Variants in MGAT5B observed in about 807,000 individuals in gnomAD.
MGAT5B encodes N-acetylglucosaminyl-transferase Vb.
In MGAT5B, 54 loss-of-function variants were observed where a neutral mutation model predicts 95.1. The ratio of observed to expected loss-of-function variants is 0.57; its 90% CI spans 0.46 to 0.71. The LOEUF (loss-of-function observed/expected upper bound fraction) is 0.71. Among genes scored for constraint, MGAT5B ranks in the 30% least tolerant of loss-of-function variants. The pLI is 0.00. For missense variants in MGAT5B, 935 were observed against 1,088.6 expected (o/e 0.86, Z 1.99); for synonymous variants, 464 against 451.0 (o/e 1.03, Z -0.36).
intron 8 of MGAT5B, among the ~76,000 whole-genome samples, chr17:76,913,254 A>C (rs972994100): frequency 3.3e-5 from 5 of 152,190 alleles, no homozygotes; most frequent in African/African-American, 1.2e-4. Context: ...TTCCTCCCGC[A>C]CAATCCACTG....
intron 11 of MGAT5B, 139 bp from the exon 12 acceptor site, chr17:76,933,153 A>T: frequency 9.9e-7 from 1 of 1,011,786 alleles, no homozygotes; most frequent in South Asian, 1.5e-5. Flanking sequence ...GAGAAGCAGG[A>T]GAGGCTTAGA....
chr17:76,944,633 G>C (rs79882445), intron 15 of MGAT5B, among the ~76,000 whole-genome samples: 11 of 152,148 alleles, frequency 7.2e-5, no homozygotes, highest in Non-Finnish European at 1.3e-4. Flanking sequence ...CAGATTCTCC[G>C]GGACTTCGAA....
At chr17:76,908,275 CTTT>C (rs5822149) in intron 8 of MGAT5B, among the ~76,000 whole-genome samples, 5 of 103,044 alleles carry the variant, frequency 4.9e-5, no homozygotes, top group African/African-American at 4.0e-5. Flanking sequence ...TTTCTTTCTT[CTTT>C]TTTTTTTTTT....
chr17:76,911,704 T>C (rs1472470565), intron 8 of MGAT5B, among the ~76,000 whole-genome samples: 1 of 152,256 alleles, frequency 6.6e-6, no homozygotes, highest in Non-Finnish European at 1.5e-5. Flanking sequence ...GCACATTCCC[T>C]GCTGGGGCCT....
chr17:76,933,094 G>T (rs977984827), intron 11 of MGAT5B, among the ~76,000 whole-genome samples, 198 bp from the exon 12 acceptor site: 2 of 152,210 alleles, frequency 1.3e-5, no homozygotes, highest in African/African-American at 4.8e-5. Flanking sequence ...TTCGGTGGAT[G>T]GGGGGGTGGT....
At position 76,950,224 on chromosome 17, in the gene MGAT5B, C is replaced by G. The variant is rs1039771582; in HGVS notation, c.*1386C>G. The G allele has an allele frequency of 6.5e-6, 1 of 152,672 alleles. No individual in the cohort carries two copies. The highest frequency in any genetic ancestry group is 1.9e-4 in the East Asian group (1 of 5,196). The allele number at this position is 152,672 out of a possible 1,614,324, so 9.5% of individuals were successfully genotyped here. On this transcript the variant is annotated 3_prime_UTR_variant, in exon 18 of 18. Coordinates refer to ENST00000569840, the MANE Select transcript of MGAT5B (RefSeq NM_001199172.2). ...CTTCCTGTGGGAGTCCCCTCCAGAC[C>G]TGGCTGGCCCCTGCAGCCACAGAAA...
rs1035675528 is a variant in MGAT5B, at chr17:76,916,425, T to C, written c.1026-8541T>C. Among the ~76,000 whole-genome samples the C allele has an allele frequency of 6.6e-6, 1 of 152,134 alleles. No individual in the cohort carries two copies. The highest frequency in any genetic ancestry group is 1.5e-5 in the Non-Finnish European group (1 of 68,008). On this transcript the variant is annotated intron_variant, in intron 8 of 17. Transcript: ENST00000569840. The surrounding 1 kb of genome is among the most constrained non-coding windows in gnomAD (Gnocchi z 5.3). Reference sequence around the variant, plus strand: ...GGGGAGGGCTGCAAGGGAAGACTCATGGAAATGACGTCGCTGGCCCTCATG... The same window carrying C: ...GGGGAGGGCTGCAAGGGAAGACTCACGGAAATGACGTCGCTGGCCCTCATG...
At chr17:76,874,630 A>T (rs1302852210) in intron 2 of MGAT5B, among the ~76,000 whole-genome samples, 1 of 151,946 alleles carries the variant, frequency 6.6e-6, no homozygotes, top group African/African-American at 2.4e-5. Flanking sequence ...GGAATTAGGG[A>T]TGGGGGAGAG....
chr17:76,885,226 C>A (rs529634667), intron 3 of MGAT5B, among the ~76,000 whole-genome samples: 24 of 152,320 alleles, frequency 1.6e-4, no homozygotes, highest in African/African-American at 5.5e-4. Flanking sequence ...TCCTTCTTCT[C>A]TGACACTGTC....
chr17:76,940,338 C>G lies in MGAT5B; in HGVS notation c.1585-64C>G. 1 of 1,497,614 alleles carries G rather than the reference C, an allele frequency of 6.7e-7. No homozygotes were observed. The allele number at this position is 1,497,614 out of a possible 1,614,324, so 92.8% of individuals were successfully genotyped here. A position where few individuals can be genotyped will look rare whatever the true frequency, so the allele number is the denominator to read the frequency against. ...CGAAGCCTCACCTTGTCCCCGGCAT[C>G]CTGGTGCTTACTGGGCTGTGGCGGC... On this transcript the variant is annotated intron_variant, in intron 13 of 17. Coordinates refer to ENST00000569840, the MANE Select transcript of MGAT5B (RefSeq NM_001199172.2). The surrounding 1 kb of genome is among the most constrained non-coding windows in gnomAD (Gnocchi z 4.3).
At chr17:76,875,419 G>A (rs1967150652) in intron 2 of MGAT5B, among the ~76,000 whole-genome samples, 1 of 152,064 alleles carries the variant, frequency 6.6e-6, no homozygotes, top group South Asian at 2.1e-4. Flanking sequence ...ATGTGAAGAA[G>A]GACATGTTTG....
chr17:76,873,153 G>A (rs1458663155), intron 2 of MGAT5B, among the ~76,000 whole-genome samples, 190 bp downstream of exon 2: 1 of 152,254 alleles, frequency 6.6e-6, no homozygotes, highest in African/African-American at 2.4e-5. Flanking sequence ...TGGTCATCAG[G>A]TTTCCTCTGG....
chr17:76,948,726 A>G lies in MGAT5B; in HGVS notation c.2267A>G (p.Gln756Arg). Residue 756 changes from glutamine (Q) to arginine (R), a missense_variant, in exon 18 of 18, where the codon CAG (glutamine) becomes CGG (arginine). Physicochemically the swap from Gln to Arg is conservative, Grantham distance 43. This residue lies in a region of MGAT5B where 440 missense variants were observed against 523.6 expected (regional missense o/e 0.84). Coordinates refer to ENST00000569840, the MANE Select transcript of MGAT5B (RefSeq NM_001199172.2). ...FAQPGQECYLQKEPLLFSCAG... is the reference protein window; with the variant it reads ...FAQPGQECYLRKEPLLFSCAG... ...CAGCCTGGCCAGGAGTGCTACCTGC[A>G]GAAGGAGCCTCTGCTCTTCAGCTGC... 6.2e-7 allele frequency: 1 copy of G among 1,613,242 alleles called. No homozygotes were observed. The highest frequency in any genetic ancestry group is 8.5e-7 in the Non-Finnish European group (1 of 1,179,808).
intron 8 of MGAT5B, among the ~76,000 whole-genome samples, chr17:76,907,808 T>C (rs1455726581): frequency 6.6e-6 from 1 of 152,256 alleles, no homozygotes; most frequent in Admixed American, 6.5e-5. Context: ...ATTGCTCCAA[T>C]TCAGAGACTC....
chr17:76,882,476 A>C lies in MGAT5B; in HGVS notation c.329+178A>C, dbSNP rs1043478028. On this transcript the variant is annotated intron_variant, in intron 3 of 17. Transcript: ENST00000569840. Reference sequence around the variant, plus strand: ...TTAACAACCGTTAACATTTGGTCACATTTGTGGCCTGTTTTCCTCTTTAAA... The same window carrying C: ...TTAACAACCGTTAACATTTGGTCACCTTTGTGGCCTGTTTTCCTCTTTAAA... 1.2e-4 allele frequency: 82 copies of C among 702,942 alleles called. 1 individual carries two copies. The highest frequency in any genetic ancestry group is 5.1e-5 in the Non-Finnish European group (24 of 471,742). The allele number at this position is 702,942 out of a possible 1,614,324, so 43.5% of individuals were successfully genotyped here. A position where few individuals can be genotyped will look rare whatever the true frequency, so the allele number is the denominator to read the frequency against.
At chr17:76,871,997 C>T (rs551984641) in intron 1 of MGAT5B, among the ~76,000 whole-genome samples, 1 of 152,328 alleles carries the variant, frequency 6.6e-6, no homozygotes, top group East Asian at 1.9e-4. Context: ...CAGAGCCTGG[C>T]TCCTGCTGGA....
intron 15 of MGAT5B, among the ~76,000 whole-genome samples, chr17:76,945,724 C>T (rs1408998822): frequency 1.3e-5 from 2 of 152,206 alleles, no homozygotes; most frequent in Admixed American, 6.5e-5. Flanking sequence ...ATGAATGTCC[C>T]ATGTCTTGGG....
chr17:76,911,478 C>T (rs1339298885), intron 8 of MGAT5B, among the ~76,000 whole-genome samples: 1 of 152,204 alleles, frequency 6.6e-6, no homozygotes, highest in African/African-American at 2.4e-5. Context: ...CAGAGGCACC[C>T]TGTGGAGGTG....
intron 3 of MGAT5B, among the ~76,000 whole-genome samples, chr17:76,900,371 G>A (rs1968260578): frequency 2.0e-5 from 3 of 152,258 alleles, no homozygotes. Flanking sequence ...CCCAGGACCT[G>A]TGACTATGAC....
Sources: gnomAD v4.1 joint callset for allele counts (sites outside exome capture counted in the v4.1 genomes callset) on GRCh38, gnomAD v4.1.1 for gene constraint, gnomAD v4.1.1 regional missense constraint, Gnocchi (gnomAD v3.1) non-coding constraint, MANE v1.5 for transcripts, NCBI Gene and HGNC (gene_info 2026-07-23, HGNC 2026-07-21) for gene names.